CYP4B1: variants seen among roughly 807,000 people sequenced by gnomAD.
CYP4B1 encodes cytochrome P450 family 4 subfamily B member 1.
In CYP4B1, 45 loss-of-function variants were observed where a neutral mutation model predicts 54.0. The observed-to-expected ratio is 0.83, with a 90% CI of 0.66 to 1.07. The LOEUF (loss-of-function observed/expected upper bound fraction) is 1.07, where lower values mean the gene tolerates loss of function less well. Among genes scored for constraint, CYP4B1 ranks in the 50% least tolerant of loss-of-function variants. CYP4B1 has a pLI of 0.00. For synonymous variants in CYP4B1, 248 were observed against 247.5 expected, an observed-to-expected ratio of 1.00 and a Z score of -0.02; for missense variants, 656 against 655.4, an observed-to-expected ratio of 1.00 and a Z score of -0.01.
chr1:46,813,339 A>G, intron 4 of CYP4B1, 143 bp from the exon 5 acceptor site: 1 of 946,622 alleles, frequency 1.1e-6, no homozygotes, highest in Admixed American at 2.2e-5. Context: ...AGCAGGATGG[A>G]GGGCAGGACA....
rs1386366518 is a variant in CYP4B1 at position 46,800,276 on chromosome 1, TC to T, written c.180+1017del. On this transcript the variant is annotated intron_variant, in intron 1 of 11. Transcript: ENST00000371923. ...TTCCTTCCTTCCTTCCTTCCTTCCT[TC>T]CTTCCTTCCTTCCTTCCTTCCTTCT... 3.9e-5 allele frequency among the ~76,000 whole-genome samples: 5 copies of T among 128,254 alleles called. 1 individual carries two copies. Among genetic ancestry groups the T allele is most frequent in the Admixed American group, 8.5e-5 (1 of 11,736 alleles). 84.1% of individuals were successfully genotyped at this position (128,254 alleles called of 152,430 possible).
intron 1 of CYP4B1, among the ~76,000 whole-genome samples, chr1:46,807,568 G>A (rs528909404): frequency 6.6e-5 from 10 of 152,340 alleles, no homozygotes; most frequent in Non-Finnish European, 8.8e-5. Context: ...AGGGAGGCAG[G>A]CATACAAGAA....
At chr1:46,816,785 T>C (rs1569915684) in intron 8 of CYP4B1, among the ~76,000 whole-genome samples, 1 of 152,080 alleles carries the variant, frequency 6.6e-6, no homozygotes, top group Non-Finnish European at 1.5e-5. Context: ...GATGGCTGGG[T>C]GCACCTTCAT....
chr1:46,818,254 A>G (rs762183993), intron 11 of CYP4B1, 41 bp downstream of exon 11: 31 of 1,555,110 alleles, frequency 2.0e-5, no homozygotes, highest in Non-Finnish European at 2.7e-5. Flanking sequence ...AGGACTGGGG[A>G]GGAGAGGGTG....
chr1:46,803,260 G>A (rs1678730529), intron 1 of CYP4B1, among the ~76,000 whole-genome samples: 1 of 152,186 alleles, frequency 6.6e-6, no homozygotes, highest in African/African-American at 2.4e-5. Context: ...GGGAGGCTAG[G>A]GTGGAGGTGA....
rs1011827775 is a variant in CYP4B1, at chr1:46,811,158, T to C, written c.341T>C (p.Val114Ala). ...YSRGDPKAPD[V>A]YDFFLQWIGR... The stretch of plus-strand genomic sequence containing the variant: ...CCTGCAGACCCTAAGGCCCCTGATG[T>C]GTATGACTTCTTCCTCCAGTGGATT... The change falls in exon 3 of 12, where the codon GTG becomes GCG. Residue 114 changes from valine (V) to alanine (A), a missense_variant. Transcript: ENST00000371923. The C allele has an allele frequency of 1.2e-6, 2 of 1,614,026 alleles. No individual in the cohort carries two copies. Among genetic ancestry groups the C allele is most frequent in the African/African-American group, 1.3e-5 (1 of 74,908 alleles).
rs751225806 is a variant in CYP4B1 at position 46,813,888 on chromosome 1, C to T, written c.621-21C>T. On this transcript the variant is annotated intron_variant, in intron 5 of 11. Coordinates refer to ENST00000371923, the MANE Select transcript of CYP4B1 (RefSeq NM_001099772.2). ...CCTGGGCCAGTGTCTAAGCCAATCC[C>T]TCCTCCTACCCTCTGCTTAGCAGGG... is the stretch of plus-strand genomic sequence containing the variant. 1.3e-5 allele frequency: 16 copies of T among 1,232,572 alleles called. No individual in the cohort carries two copies. In the African/African-American group the frequency reaches 2.2e-4, roughly 17 times the overall value. 76.4% of individuals were successfully genotyped at this position (1,232,572 alleles called of 1,614,324 possible). A position where few individuals can be genotyped will look rare whatever the true frequency, so the allele number is the denominator to read the frequency against.
chr1:46,802,739 A>G (rs1236405937), intron 1 of CYP4B1, among the ~76,000 whole-genome samples: 1 of 152,172 alleles, frequency 6.6e-6, no homozygotes, highest in African/African-American at 2.4e-5. Context: ...CCTCAGAGGA[A>G]CTAGGTCTGT....
chr1:46,815,195 A>G lies in CYP4B1; in HGVS notation c.1004A>G (p.Tyr335Cys). The change falls in exon 8 of 12, where the codon TAC becomes TGC. Residue 335 changes from tyrosine to cysteine, a missense_variant. Physicochemically the swap from Tyr to Cys is radical, Grantham distance 194. Coordinates refer to ENST00000371923, the MANE Select transcript of CYP4B1 (RefSeq NM_001099772.2). The part of the protein sequence containing the change: ...ISWFLYCMAL[Y>C]PEHQHRCREE... ...TGGTTTCTCTACTGCATGGCCCTGT[A>G]CCCTGAGCACCAGCATCGTTGTAGA... is the stretch of plus-strand genomic sequence containing the variant. The G allele has an allele frequency of 6.2e-7, 1 of 1,609,132 alleles. No individual in the cohort carries two copies. Among genetic ancestry groups the G allele is most frequent in the South Asian group, 1.1e-5 (1 of 90,440 alleles).
intron 1 of CYP4B1, among the ~76,000 whole-genome samples, chr1:46,805,695 T>C (rs1260547174): frequency 3.3e-5 from 5 of 152,234 alleles, no homozygotes; most frequent in Admixed American, 1.3e-4. Context: ...TTTTTGTACA[T>C]TGAGTCTGCT....
intron 9 of CYP4B1, 176 bp downstream of exon 9, chr1:46,817,357 C>T (rs1679378978): frequency 1.5e-6 from 1 of 670,652 alleles, no homozygotes; most frequent in Non-Finnish European, 2.5e-6. Context: ...ACCTCTGAGC[C>T]TCCATTTCCC....
chr1:46,818,509 C>G, intron 11 of CYP4B1, 122 bp from the exon 12 acceptor site: 1 of 1,058,980 alleles, frequency 9.4e-7, no homozygotes, highest in East Asian at 2.4e-5. Flanking sequence ...CCAGGTCAAC[C>G]AATCTATCAG....
chr1:46,801,832 T>A (rs1678673455), intron 1 of CYP4B1, among the ~76,000 whole-genome samples: 1 of 152,158 alleles, frequency 6.6e-6, no homozygotes, highest in South Asian at 2.1e-4. Context: ...TAATTCGTAA[T>A]GTTGTCAGAC....
intron 4 of CYP4B1, among the ~76,000 whole-genome samples, chr1:46,813,234 G>A (rs923988313): frequency 5.3e-5 from 8 of 152,184 alleles, no homozygotes; most frequent in Non-Finnish European, 1.0e-4. Context: ...GGGAGAAAAC[G>A]TCTGTGTGCT....
rs1198623411 is a variant in CYP4B1, at chr1:46,818,167, T to C, written c.1309T>C (p.Ser437Pro). ...DSLRFSTENASKRHPFAFMPF... is the reference protein window; with the variant it reads ...DSLRFSTENAPKRHPFAFMPF... ...TCTGCGCTTTTCCACTGAGAATGCATCCAAACGCCATCCCTTTGCCTTTAT... is the reference window on the plus strand; with the variant it reads ...TCTGCGCTTTTCCACTGAGAATGCACCCAAACGCCATCCCTTTGCCTTTAT... Residue 437 changes from serine (S) to proline (P), a missense_variant, in exon 11 of 12, where the codon TCC (serine) becomes CCC (proline). Coordinates refer to ENST00000371923, the MANE Select transcript of CYP4B1 (RefSeq NM_001099772.2). 6.2e-7 allele frequency: 1 copy of C among 1,614,020 alleles called. No individual in the cohort carries two copies. Among genetic ancestry groups the C allele is most frequent in the African/African-American group, 1.3e-5 (1 of 74,906 alleles).
At chr1:46,802,364 C>G (rs1322191057) in intron 1 of CYP4B1, among the ~76,000 whole-genome samples, 3 of 152,114 alleles carry the variant, frequency 2.0e-5, no homozygotes, top group Non-Finnish European at 4.4e-5. Context: ...TGATTACAGG[C>G]CTTCGCTGTG....
At chr1:46,799,728 T>C (rs1678535454) in intron 1 of CYP4B1, among the ~76,000 whole-genome samples, 1 of 152,204 alleles carries the variant, frequency 6.6e-6, no homozygotes, top group Admixed American at 6.5e-5. Context: ...ATGACAGACC[T>C]CACCGAGTGT....
chr1:46,808,129 A>AAGAGAG (rs140666775), intron 1 of CYP4B1, among the ~76,000 whole-genome samples: 1 of 149,262 alleles, frequency 6.7e-6, no homozygotes, highest in East Asian at 2.0e-4. Context: ...GGAAAGGAGA[A>AAGAGAG]AGAGAGAGAG....
At chr1:46,815,867 C>T (rs45513099) in intron 8 of CYP4B1, among the ~76,000 whole-genome samples, 1 of 152,306 alleles carries the variant, frequency 6.6e-6, no homozygotes, top group East Asian at 1.9e-4. Flanking sequence ...GCTCCTTCAC[C>T]CTTGCTGGCT....
Sources: allele counts gnomAD v4.1 joint callset (sites outside exome capture counted in the v4.1 genomes callset), GRCh38; gene constraint gnomAD v4.1.1; transcripts MANE v1.5; gene names NCBI Gene and HGNC (gene_info 2026-07-23, HGNC 2026-07-21).